Variants in TP53BP1 observed in about 807,000 individuals in gnomAD.
TP53BP1 encodes TP53-binding protein 1.
In TP53BP1, 61 loss-of-function variants were observed where a neutral mutation model predicts 200.8. The ratio of observed to expected loss-of-function variants is 0.30; its 90% CI spans 0.25 to 0.38. The LOEUF (loss-of-function observed/expected upper bound fraction) is 0.38, where lower values mean the gene tolerates loss of function less well. Ranked by LOEUF, TP53BP1 falls within the 10% of genes least tolerant of loss-of-function variation. The pLI, the probability that TP53BP1 is intolerant of heterozygous loss-of-function variation, is 1.00. For synonymous variants in TP53BP1, 822 were observed against 844.3 expected (o/e 0.97, Z 0.46); for missense variants, 2,144 against 2,371.9 (o/e 0.90, Z 2.00).
At position 43,432,176 on chromosome 15, in the gene TP53BP1, C is replaced by A; in HGVS notation, c.3675+18G>T. The A allele has an allele frequency of 6.2e-7, 1 of 1,609,376 alleles. No homozygotes were observed. The highest frequency in any genetic ancestry group is 8.5e-7 in the Non-Finnish European group (1 of 1,177,470). On this transcript the variant is annotated intron_variant, in intron 17 of 27. Coordinates refer to ENST00000382044, the MANE Select transcript of TP53BP1 (RefSeq NM_001141980.3). ...GTTAAAAACAAGGCCTCTGATGCAC[C>A]CTAGTATGTTCTCTCACCTGGCTAT... is the stretch of plus-strand genomic sequence containing the variant.
intron 4 of TP53BP1, among the ~76,000 whole-genome samples, chr15:43,490,593 C>A (rs1246769131): frequency 6.6e-6 from 1 of 152,062 alleles, no homozygotes; most frequent in African/African-American, 2.4e-5. Context: ...CCTCTCTAAC[C>A]ACCTCCCCTT....
chr15:43,407,876 A>G, intron 27 of TP53BP1, 67 bp downstream of exon 27: 2 of 1,489,032 alleles, frequency 1.3e-6, no homozygotes, highest in Non-Finnish European at 1.8e-6. Context: ...TTGGACCACA[A>G]GGCCTAACAC....
rs1330564649 is a variant in TP53BP1, at chr15:43,475,260, A to G, written c.1085+305T>C. The stretch of plus-strand genomic sequence containing the variant: ...ACCTATTCTCCACCCTCTGCTATTA[A>G]ATGAGAAGAATTGCAAGTAAAACAG... On this transcript the variant is annotated intron_variant, in intron 9 of 27. Coordinates refer to ENST00000382044, the MANE Select transcript of TP53BP1 (RefSeq NM_001141980.3). 1.4e-4 allele frequency among the ~76,000 whole-genome samples: 22 copies of G among 152,348 alleles called. No individual in the cohort carries two copies. In the East Asian group the frequency reaches 3.9e-3, roughly 27 times the overall value.
intron 8 of TP53BP1, 24 bp downstream of exon 8, chr15:43,477,569 G>T: frequency 6.3e-7 from 1 of 1,586,650 alleles, no homozygotes; most frequent in Non-Finnish European, 8.6e-7. Flanking sequence ...GAGAAGAGCT[G>T]TAACGACAAA....
At chr15:43,450,625 G>C (rs1036241289) in intron 12 of TP53BP1, among the ~76,000 whole-genome samples, 10 of 152,086 alleles carry the variant, frequency 6.6e-5, no homozygotes, top group Non-Finnish European at 1.3e-4. Context: ...AACAAGATTG[G>C]GCTTCCAAGT....
intron 24 of TP53BP1, among the ~76,000 whole-genome samples, chr15:43,411,755 G>A (rs1339102482): frequency 6.6e-6 from 1 of 152,160 alleles, no homozygotes; most frequent in Non-Finnish European, 1.5e-5. Flanking sequence ...TTATTTTTAT[G>A]AGTACAGTTT....
chr15:43,486,362 C>T (rs1033277890), intron 4 of TP53BP1, among the ~76,000 whole-genome samples: 3 of 151,930 alleles, frequency 2.0e-5, no homozygotes, highest in Non-Finnish European at 2.9e-5. Flanking sequence ...GCAACAAGAG[C>T]GAAACTCGGT....
chr15:43,407,025 G>A lies in TP53BP1; in HGVS notation c.*358C>T. On this transcript the variant is annotated 3_prime_UTR_variant, in exon 28 of 28. Transcript: ENST00000382044. ...CTTAAACTGAGTTTCTGCAAGCATA[G>A]CATTTTAGACACCCTGGAATAACCT... 4.1e-6 allele frequency: 1 copy of A among 241,678 alleles called. No individual in the cohort carries two copies. Among genetic ancestry groups the A allele is most frequent in the Non-Finnish European group, 8.2e-6 (1 of 122,296 alleles). The allele number at this position is 241,678 out of a possible 1,614,324, so 15.0% of individuals were successfully genotyped here. A position where few individuals can be genotyped will look rare whatever the true frequency, so the allele number is the denominator to read the frequency against.
intron 16 of TP53BP1, 128 bp downstream of exon 16, chr15:43,438,196 G>A (rs1168990117): frequency 1.4e-6 from 1 of 699,996 alleles, no homozygotes; most frequent in African/African-American, 1.8e-5. Context: ...TCTCAACACT[G>A]TTGCACTGGG....
chr15:43,470,843 C>T (rs1389012149), intron 10 of TP53BP1, among the ~76,000 whole-genome samples: 1 of 152,154 alleles, frequency 6.6e-6, no homozygotes, highest in African/African-American at 2.4e-5. Flanking sequence ...AAACTACTAA[C>T]AACATTTACC....
rs745378899 is a variant in TP53BP1 at position 43,469,970 on chromosome 15, G to A, written c.1277C>T (p.Pro426Leu). 6 of 1,613,874 alleles carry A rather than the reference G, an allele frequency of 3.7e-6. No homozygotes were observed. The South Asian group carries it at 5.5e-5, about 15-fold the overall frequency. Residue 426 changes from proline (P) to leucine (L), a missense_variant, in exon 11 of 28, where the codon CCT (proline) becomes CTT (leucine). Coordinates refer to ENST00000382044, the MANE Select transcript of TP53BP1 (RefSeq NM_001141980.3). ...TGATACAGTGGACTCAGGCAGGAGA[G>A]GGGGGTTTTCTAACTCCACTGGTTC... ...SGEPVELENP[P>L]LLPESTVSPQ...
intron 11 of TP53BP1, among the ~76,000 whole-genome samples, chr15:43,459,198 C>A (rs1257566598): frequency 3.3e-5 from 5 of 152,022 alleles, no homozygotes; most frequent in African/African-American, 1.2e-4. Flanking sequence ...ATTAGCTGGG[C>A]ATGGTGGTGC....
At chr15:43,447,024 T>C in intron 13 of TP53BP1, 1 of 497,980 alleles carries the variant, frequency 2.0e-6, no homozygotes, top group Non-Finnish European at 4.0e-6. Context: ...GCCAAGGTAC[T>C]GAATAAATAG....
At position 43,456,973 on chromosome 15, in the gene TP53BP1, T is replaced by C. The variant is rs1175461794; in HGVS notation, c.1635A>G (p.Gly545=). The C allele has an allele frequency of 6.2e-7, 1 of 1,614,094 alleles. No individual in the cohort carries two copies. Residue 545 remains glycine (G), a synonymous_variant, in exon 12 of 28, where the codon GGA becomes GGG. Transcript: ENST00000382044. ...SLSSHRIDED[G]ENTQIEDTEP... is the part of the protein sequence containing the mutation. ...CCGTATCCTCAATCTGTGTGTTTTC[T>C]CCATCTTCATCAATTCTGTGAGAAC...
intron 11 of TP53BP1, among the ~76,000 whole-genome samples, chr15:43,460,009 G>C (rs1472980653): frequency 6.6e-6 from 1 of 152,200 alleles, no homozygotes; most frequent in Non-Finnish European, 1.5e-5. Flanking sequence ...TTTTTAGGGT[G>C]AGGGAACTGC....
intron 16 of TP53BP1, among the ~76,000 whole-genome samples, chr15:43,436,463 T>A (rs2045800993): frequency 8.5e-6 from 1 of 117,832 alleles, no homozygotes; most frequent in African/African-American, 2.6e-5. Flanking sequence ...TATAAGATAC[T>A]ATTTATTTAT....
chr15:43,491,075 AT>A (rs1010560667), intron 4 of TP53BP1, among the ~76,000 whole-genome samples: 415 of 142,898 alleles, frequency 2.9e-3, no homozygotes, highest in Middle Eastern at 7.1e-3. Context: ...ATACTCCTAA[AT>A]TTTTTTTTTT....
chr15:43,480,380 G>A (rs1461585275), intron 5 of TP53BP1, among the ~76,000 whole-genome samples: 6 of 152,028 alleles, frequency 3.9e-5, no homozygotes, highest in South Asian at 4.2e-4. Flanking sequence ...CCCAGGAGGC[G>A]GAGCTTGCAG....
chr15:43,457,655 G>C (rs1486193322), intron 11 of TP53BP1, among the ~76,000 whole-genome samples: 3 of 110,342 alleles, frequency 2.7e-5, no homozygotes, highest in Admixed American at 2.5e-4. Flanking sequence ...CTGGGTGACG[G>C]AGTGAGACTC....
Sources: gnomAD v4.1 joint callset for allele counts (sites outside exome capture counted in the v4.1 genomes callset) on GRCh38, gnomAD v4.1.1 for gene constraint, MANE v1.5 for transcripts, NCBI Gene and HGNC (gene_info 2026-07-23, HGNC 2026-07-21) for gene names.